ANKS1B: variants seen among roughly 807,000 people sequenced by gnomAD.
ANKS1B encodes ankyrin repeat and sterile alpha motif domain-containing protein 1B.
In ANKS1B, 36 loss-of-function variants were observed where a neutral mutation model predicts 148.3. The observed-to-expected ratio is 0.24, with a 90% CI of 0.19 to 0.32. ANKS1B has a LOEUF of 0.32. Ranked by LOEUF, ANKS1B falls within the 10% of genes least tolerant of loss-of-function variation. The probability of loss-of-function intolerance (pLI) is 1.00; values close to 1 mark genes in which losing one functional copy is unlikely to be tolerated. For synonymous variants in ANKS1B, 542 were observed against 560.8 expected (o/e 0.97, Z 0.47); for missense variants, 1,157 against 1,542.6 (o/e 0.75, Z 4.19).
intron 1 of ANKS1B, among the ~76,000 whole-genome samples, chr12:99,839,269 A>G (rs762592397): frequency 2.0e-5 from 3 of 152,170 alleles, no homozygotes; most frequent in Non-Finnish European, 2.9e-5. Flanking sequence ...TTTTGGCTGT[A>G]ATTGCATTAA....
chr12:99,330,179 G>T (rs1464128203), intron 12 of ANKS1B, among the ~76,000 whole-genome samples: 1 of 151,924 alleles, frequency 6.6e-6, no homozygotes, highest in Non-Finnish European at 1.5e-5. Flanking sequence ...CTAGGGTAAA[G>T]CCTGTGGTAC....
chr12:99,313,239 T>A (rs549373960), intron 12 of ANKS1B, among the ~76,000 whole-genome samples: 2 of 152,250 alleles, frequency 1.3e-5, no homozygotes, highest in African/African-American at 4.8e-5. Flanking sequence ...TATCCCTGAA[T>A]AGACCAATAA....
At chr12:99,863,259 G>A (rs537986063) in intron 1 of ANKS1B, among the ~76,000 whole-genome samples, 3 of 152,014 alleles carry the variant, frequency 2.0e-5, no homozygotes, top group Non-Finnish European at 2.9e-5. Context: ...GTACCTTTAA[G>A]TCAACATTCC....
intron 9 of ANKS1B, among the ~76,000 whole-genome samples, chr12:99,585,276 C>A (rs987707125): frequency 1.3e-5 from 2 of 152,124 alleles, no homozygotes; most frequent in African/African-American, 2.4e-5. Context: ...TCCAGCAGGG[C>A]AGTAAAATTT....
intron 17 of ANKS1B, chr12:98,894,976 G>GC: frequency 1.2e-6 from 1 of 819,028 alleles, no homozygotes; most frequent in Non-Finnish European, 1.5e-6. Context: ...CGCGGCGCGC[G>GC]CCTGCCCTGG....
chr12:99,215,675 C>T (rs1253180576), intron 14 of ANKS1B, among the ~76,000 whole-genome samples: 1 of 152,206 alleles, frequency 6.6e-6, no homozygotes, highest in South Asian at 2.1e-4. Flanking sequence ...TGCATGGGGC[C>T]TGTAGCCCCC....
At chr12:98,866,231 C>G (rs1341458693) in intron 17 of ANKS1B, among the ~76,000 whole-genome samples, 1 of 152,164 alleles carries the variant, frequency 6.6e-6, no homozygotes, top group Non-Finnish European at 1.5e-5. Flanking sequence ...CTCGAGCAGT[C>G]ACAGCACTTC....
At chr12:99,467,125 C>T (rs1289417653) in intron 10 of ANKS1B, among the ~76,000 whole-genome samples, 1 of 152,194 alleles carries the variant, frequency 6.6e-6, no homozygotes, top group African/African-American at 2.4e-5. Context: ...GGATGCAAGG[C>T]TGGTTCAATA....
intron 9 of ANKS1B, among the ~76,000 whole-genome samples, chr12:99,649,135 G>A (rs1451577555): frequency 2.0e-5 from 3 of 152,182 alleles, no homozygotes; most frequent in Non-Finnish European, 2.9e-5. Context: ...TATGTTGTAG[G>A]ACGTGTCTCC....
At chr12:99,614,953 A>C (rs1336160765) in intron 9 of ANKS1B, among the ~76,000 whole-genome samples, 2 of 151,000 alleles carry the variant, frequency 1.3e-5, no homozygotes, top group Non-Finnish European at 3.0e-5. Context: ...GAATCTCAAG[A>C]AATCTCAAGG....
chr12:99,959,024 GAAT>G (rs2095365342), intron 1 of ANKS1B, among the ~76,000 whole-genome samples: 1 of 149,704 alleles, frequency 6.7e-6, no homozygotes, highest in African/African-American at 2.4e-5. Flanking sequence ...AGATTTTGGA[GAAT>G]AATAATTTTT....
At chr12:98,927,678 T>C (rs376531695) in intron 17 of ANKS1B, among the ~76,000 whole-genome samples, 53 of 152,032 alleles carry the variant, frequency 3.5e-4, no homozygotes, top group African/African-American at 1.2e-3. Flanking sequence ...CAGTTTTACA[T>C]ATAATTGACG....
chr12:99,155,009 A>G (rs1024844415), intron 14 of ANKS1B: 2 of 1,535,386 alleles, frequency 1.3e-6, no homozygotes. Flanking sequence ...AGCAGTCAAA[A>G]CAAATGCAGA....
intron 22 of ANKS1B, among the ~76,000 whole-genome samples, chr12:98,783,935 A>G (rs944671732): frequency 1.3e-5 from 2 of 152,162 alleles, no homozygotes; most frequent in Admixed American, 6.5e-5. Context: ...CAAAGGAGAG[A>G]GAGACCCTAA....
chr12:98,914,616 A>G (rs1198509018), intron 17 of ANKS1B, among the ~76,000 whole-genome samples: 1 of 151,302 alleles, frequency 6.6e-6, no homozygotes, highest in Non-Finnish European at 1.5e-5. Flanking sequence ...CCCCTTATTG[A>G]CCTGCCTCCA....
At chr12:98,909,256 T>C (rs1276605653) in intron 17 of ANKS1B, among the ~76,000 whole-genome samples, 1 of 152,142 alleles carries the variant, frequency 6.6e-6, no homozygotes, top group African/African-American at 2.4e-5. Context: ...CCGCACAGAG[T>C]GAACACTCAA....
chr12:99,851,408 A>G (rs1014941362), intron 1 of ANKS1B, among the ~76,000 whole-genome samples: 7 of 152,128 alleles, frequency 4.6e-5, no homozygotes, highest in African/African-American at 1.7e-4. Context: ...AAACTAGGAC[A>G]TAAGTATTAA....
intron 10 of ANKS1B, among the ~76,000 whole-genome samples, chr12:99,446,823 G>T (rs2095645011): frequency 6.6e-6 from 1 of 152,004 alleles, no homozygotes; most frequent in South Asian, 2.1e-4. Flanking sequence ...TTTAGGGTAT[G>T]CCTTTGAGTA....
chr12:98,911,959 C>T (rs2099787458), intron 17 of ANKS1B, among the ~76,000 whole-genome samples: 1 of 152,154 alleles, frequency 6.6e-6, no homozygotes, highest in Non-Finnish European at 1.5e-5. Flanking sequence ...ACTCTCTGCC[C>T]TTAGCATCTT....
Sources: allele counts gnomAD v4.1 joint callset (sites outside exome capture counted in the v4.1 genomes callset), GRCh38; gene constraint gnomAD v4.1.1; transcripts MANE v1.5; gene names NCBI Gene and HGNC (gene_info 2026-07-23, HGNC 2026-07-21).